FAM227B: variants seen among roughly 807,000 people sequenced by gnomAD.
The protein encoded by FAM227B is protein FAM227B.
FAM227B carries 88 observed loss-of-function variants against 73.8 expected under a neutral mutation model. That is an observed-to-expected ratio of 1.19 (90% CI 1.00 to 1.42). The LOEUF (loss-of-function observed/expected upper bound fraction) is 1.42, where lower values mean the gene tolerates loss of function less well. FAM227B is among the 40% of genes most tolerant of loss of function. The pLI is 0.00. For synonymous variants in FAM227B, 210 were observed against 190.5 expected (o/e 1.10, Z -0.84); for missense variants, 632 against 590.9 (o/e 1.07, Z -0.72).
intron 11 of FAM227B, among the ~76,000 whole-genome samples, chr15:49,491,146 C>G (rs2057053643): frequency 6.6e-6 from 1 of 151,914 alleles, no homozygotes; most frequent in Admixed American, 6.6e-5. Context: ...CAGCTAACTT[C>G]TTTCTCAACA....
chr15:49,444,413 A>C (rs1031139637), intron 11 of FAM227B, among the ~76,000 whole-genome samples: 2 of 151,816 alleles, frequency 1.3e-5, no homozygotes, highest in African/African-American at 4.8e-5. Flanking sequence ...AAAGTAAAAA[A>C]GAATATAGAT....
At chr15:49,407,759 A>G (rs976765625) in intron 11 of FAM227B, among the ~76,000 whole-genome samples, 14 of 151,598 alleles carry the variant, frequency 9.2e-5, no homozygotes, top group African/African-American at 2.9e-4. Flanking sequence ...GAGTTCTGCC[A>G]AAAGTACATG....
chr15:49,528,395 T>C (rs1288499176), intron 10 of FAM227B, among the ~76,000 whole-genome samples: 3 of 151,384 alleles, frequency 2.0e-5, no homozygotes, highest in Non-Finnish European at 4.4e-5. Flanking sequence ...TATAAAATAA[T>C]TCCAGAAAAA....
intron 11 of FAM227B, among the ~76,000 whole-genome samples, chr15:49,435,044 A>G (rs1361018782): frequency 6.6e-6 from 1 of 151,780 alleles, no homozygotes; most frequent in East Asian, 1.9e-4. Flanking sequence ...CATACAAAAC[A>G]GTAATGTTCA....
At chr15:49,550,307 C>A (rs542954660) in intron 9 of FAM227B, among the ~76,000 whole-genome samples, 1 of 144,958 alleles carries the variant, frequency 6.9e-6, no homozygotes. Flanking sequence ...CCTCACCTCC[C>A]GGACGGGGCG....
chr15:49,349,307 TTCATTTTC>T (rs1291293735), intron 13 of FAM227B, among the ~76,000 whole-genome samples: 26 of 152,142 alleles, frequency 1.7e-4, no homozygotes, highest in Admixed American at 8.5e-4. Context: ...AATTATTAAT[TTCATTTTC>T]ATTTTAAAAC....
intron 13 of FAM227B, among the ~76,000 whole-genome samples, chr15:49,351,945 ATAT>A (rs1191797810): frequency 6.6e-6 from 1 of 152,214 alleles, no homozygotes; most frequent in African/African-American, 2.4e-5. Flanking sequence ...ACTCTAATTT[ATAT>A]TATTACCTCT....
At chr15:49,540,706 A>G (rs957776327) in intron 10 of FAM227B, among the ~76,000 whole-genome samples, 13 of 152,228 alleles carry the variant, frequency 8.5e-5, no homozygotes, top group Non-Finnish European at 2.9e-5. Flanking sequence ...AATTTACTTC[A>G]GCATATGAAT....
At chr15:49,513,414 T>C (rs1481328806) in intron 10 of FAM227B, among the ~76,000 whole-genome samples, 1 of 152,234 alleles carries the variant, frequency 6.6e-6, no homozygotes, top group Non-Finnish European at 1.5e-5. Context: ...TTTTGAGAAG[T>C]GTCTCTTCAT....
chr15:49,474,290 G>T (rs1055256177), intron 11 of FAM227B, among the ~76,000 whole-genome samples: 32 of 152,172 alleles, frequency 2.1e-4, no homozygotes, highest in African/African-American at 7.7e-4. Context: ...AAGGGCCAAA[G>T]AAACTAAGGA....
chr15:49,394,704 A>G (rs1042892323), intron 11 of FAM227B, among the ~76,000 whole-genome samples: 1 of 152,206 alleles, frequency 6.6e-6, no homozygotes, highest in African/African-American at 2.4e-5. Flanking sequence ...GTGCAAATAA[A>G]TAACTATAAT....
At chr15:49,353,908 T>C (rs1215825623) in intron 13 of FAM227B, 1 of 152,230 alleles carries the variant, frequency 6.6e-6, no homozygotes, top group Non-Finnish European at 1.5e-5. Context: ...TGATAGTTAC[T>C]TTAGTAATAA....
intron 13 of FAM227B, among the ~76,000 whole-genome samples, chr15:49,357,973 C>T (rs1245145469): frequency 3.3e-5 from 5 of 151,750 alleles, no homozygotes; most frequent in African/African-American, 7.3e-5. Flanking sequence ...ATAAACAGAG[C>T]CAAAGACAAA....
chr15:49,396,767 C>A (rs1198734490), intron 11 of FAM227B, among the ~76,000 whole-genome samples: 3 of 146,788 alleles, frequency 2.0e-5, no homozygotes, highest in Non-Finnish European at 3.1e-5. Context: ...GGTACTCCAA[C>A]AGACCTGCGG....
intron 11 of FAM227B, among the ~76,000 whole-genome samples, chr15:49,419,964 A>G (rs984820259): frequency 6.6e-6 from 1 of 152,144 alleles, no homozygotes; most frequent in African/African-American, 2.4e-5. Context: ...TCTCATAAGA[A>G]GAGAAATGCA....
intron 11 of FAM227B, among the ~76,000 whole-genome samples, chr15:49,420,357 T>C (rs1405088024): frequency 6.6e-6 from 1 of 151,736 alleles, no homozygotes; most frequent in Non-Finnish European, 1.5e-5. Context: ...AAAACAAAAA[T>C]GTGAGAAGCT....
intron 11 of FAM227B, among the ~76,000 whole-genome samples, chr15:49,392,201 CAA>C (rs1464745707): frequency 6.6e-6 from 1 of 151,982 alleles, no homozygotes; most frequent in Non-Finnish European, 1.5e-5. Flanking sequence ...TTCTAGGATG[CAA>C]AAGAGACTGT....
intron 11 of FAM227B, among the ~76,000 whole-genome samples, chr15:49,382,304 A>G (rs1443408110): frequency 2.6e-5 from 4 of 152,120 alleles, no homozygotes; most frequent in Non-Finnish European, 5.9e-5. Flanking sequence ...TCATTAGGGA[A>G]GAGTAACATA....
chr15:49,490,828 G>C (rs1408637469), intron 11 of FAM227B, among the ~76,000 whole-genome samples: 1 of 151,898 alleles, frequency 6.6e-6, no homozygotes, highest in African/African-American at 2.4e-5. Flanking sequence ...GGCTAGATGA[G>C]AGGGCTTCTA....
Sources: gnomAD v4.1 joint callset for allele counts (sites outside exome capture counted in the v4.1 genomes callset) on GRCh38, gnomAD v4.1.1 for gene constraint, MANE v1.5 for transcripts, NCBI Gene and HGNC (gene_info 2026-07-23, HGNC 2026-07-21) for gene names.